The following COG5 variants were observed in gnomAD, a reference collection of about 807,000 sequenced individuals.
COG5 encodes the protein conserved oligomeric Golgi complex subunit 5.
A neutral mutation model predicts 110.4 loss-of-function variants in COG5; 86 were observed. The ratio of observed to expected loss-of-function variants is 0.78; its 90% confidence interval spans 0.65 to 0.93. The LOEUF is 0.93. COG5 is among the 40% of genes least tolerant of loss of function. COG5 has a pLI of 0.00. For missense variants in COG5, 1,077 were observed against 987.0 expected (o/e 1.09, Z -1.22); for synonymous variants, 360 against 334.6 (o/e 1.08, Z -0.83).
At chr7:107,510,058 T>A (rs1240055559) in intron 6 of COG5, among the ~76,000 whole-genome samples, 1 of 152,092 alleles carries the variant, frequency 6.6e-6, no homozygotes, top group Admixed American at 6.5e-5. Context: ...AATATTAACC[T>A]TAAATGTAAA....
intron 16 of COG5, among the ~76,000 whole-genome samples, chr7:107,255,234 T>G (rs1802795882): frequency 6.6e-6 from 1 of 152,162 alleles, no homozygotes. Context: ...CCTGATTTTA[T>G]GATCATTGAT....
At chr7:107,303,496 C>A (rs1412227181) in intron 11 of COG5, among the ~76,000 whole-genome samples, 1 of 152,082 alleles carries the variant, frequency 6.6e-6, no homozygotes, top group South Asian at 2.1e-4. Context: ...GGCACAGTCA[C>A]GGCTCACTGT....
intron 8 of COG5, among the ~76,000 whole-genome samples, chr7:107,369,214 G>T (rs1220342236): frequency 1.3e-5 from 2 of 152,014 alleles, no homozygotes; most frequent in Non-Finnish European, 2.9e-5. Flanking sequence ...GCTTTAAATT[G>T]GTATCAGGCT....
chr7:107,373,766 A>C (rs1267018963), intron 7 of COG5, among the ~76,000 whole-genome samples: 2 of 152,206 alleles, frequency 1.3e-5, no homozygotes, highest in Non-Finnish European at 2.9e-5. Flanking sequence ...TTTCAGGCCC[A>C]AATAACTCAA....
chr7:107,500,966 G>T (rs1798595488), intron 6 of COG5, among the ~76,000 whole-genome samples: 2 of 151,940 alleles, frequency 1.3e-5, no homozygotes, highest in South Asian at 4.1e-4. Flanking sequence ...ATCTTAATTT[G>T]CCATATTTAC....
At chr7:107,559,945 G>T (rs1340609107) in intron 1 of COG5, among the ~76,000 whole-genome samples, 2 of 152,216 alleles carry the variant, frequency 1.3e-5, no homozygotes, top group African/African-American at 4.8e-5. Flanking sequence ...TTGAAAAGAG[G>T]TTTGTAAGAC....
chr7:107,341,555 G>A (rs979527164), intron 10 of COG5, among the ~76,000 whole-genome samples: 2 of 151,690 alleles, frequency 1.3e-5, no homozygotes, highest in African/African-American at 4.8e-5. Context: ...CAAAAAAAAA[G>A]AGCCTGAATA....
chr7:107,379,095 G>C (rs1263624923), intron 7 of COG5, among the ~76,000 whole-genome samples: 2 of 152,218 alleles, frequency 1.3e-5, no homozygotes, highest in African/African-American at 4.8e-5. Flanking sequence ...CTAAAAGCCA[G>C]AAGAGAGTGG....
chr7:107,345,633 C>T (rs1277346964), intron 10 of COG5, among the ~76,000 whole-genome samples: 1 of 152,082 alleles, frequency 6.6e-6, no homozygotes, highest in Non-Finnish European at 1.5e-5. Context: ...ATCTAGAGAT[C>T]TGTTGCACAA....
At chr7:107,280,017 T>G (rs989581845) in intron 14 of COG5, among the ~76,000 whole-genome samples, 4 of 152,094 alleles carry the variant, frequency 2.6e-5, no homozygotes, top group African/African-American at 9.6e-5. Flanking sequence ...TGCTGGATCT[T>G]TCTTACAGTG....
chr7:107,412,680 A>T, intron 6 of COG5, 48 bp from the exon 7 acceptor site: 1 of 1,174,880 alleles, frequency 8.5e-7, no homozygotes, highest in Non-Finnish European at 1.2e-6. Context: ...ATACTGAATA[A>T]ATATCAAGGT....
intron 5 of COG5, among the ~76,000 whole-genome samples, chr7:107,534,951 G>A (rs554459990): frequency 6.6e-6 from 1 of 151,626 alleles, no homozygotes; most frequent in South Asian, 2.1e-4. Flanking sequence ...TAAAAGAATG[G>A]AAATCATAAC....
intron 6 of COG5, chr7:107,471,559 A>G (rs1402149324): frequency 6.6e-6 from 1 of 152,072 alleles, no homozygotes; most frequent in African/African-American, 2.4e-5. Flanking sequence ...ACTGTATCCT[A>G]AGAAGATGCT....
intron 10 of COG5, among the ~76,000 whole-genome samples, chr7:107,348,614 T>C (rs1811849073): frequency 1.3e-5 from 2 of 152,046 alleles, no homozygotes; most frequent in Non-Finnish European, 2.9e-5. Flanking sequence ...TAATTTGATA[T>C]AATTTTGAAT....
chr7:107,238,200 T>C (rs1056230270), intron 17 of COG5, among the ~76,000 whole-genome samples: 4 of 152,202 alleles, frequency 2.6e-5, no homozygotes, highest in Admixed American at 6.5e-5. Context: ...TCTGTTTCTA[T>C]GTATTCGGTT....
chr7:107,503,593 G>A (rs1283465324), intron 6 of COG5, among the ~76,000 whole-genome samples: 1 of 152,172 alleles, frequency 6.6e-6, no homozygotes, highest in Non-Finnish European at 1.5e-5. Flanking sequence ...GCTTTGGGCA[G>A]TATGGTTATT....
chr7:107,544,550 GCTAAC>G (rs1331199000), intron 5 of COG5, among the ~76,000 whole-genome samples: 1 of 152,194 alleles, frequency 6.6e-6, no homozygotes, highest in Non-Finnish European at 1.5e-5. Flanking sequence ...CTGTGCACCT[GCTAAC>G]CTAGGTACCA....
At chr7:107,247,559 G>C (rs974488438) in intron 17 of COG5, among the ~76,000 whole-genome samples, 1 of 152,018 alleles carries the variant, frequency 6.6e-6, no homozygotes, top group African/African-American at 2.4e-5. Flanking sequence ...CTATGAACTT[G>C]GGAATATAAA....
intron 8 of COG5, among the ~76,000 whole-genome samples, chr7:107,365,161 C>T (rs952221510): frequency 7.2e-5 from 11 of 151,996 alleles, no homozygotes; most frequent in Non-Finnish European, 1.0e-4. Flanking sequence ...TACCAGTTAG[C>T]TTTAATAGAC....
Sources: gnomAD v4.1 joint callset for allele counts (sites outside exome capture counted in the v4.1 genomes callset) on GRCh38, gnomAD v4.1.1 for gene constraint, MANE v1.5 for transcripts, NCBI Gene and HGNC (gene_info 2026-07-23, HGNC 2026-07-21) for gene names.